BMPR1B: variants seen among roughly 807,000 people sequenced by gnomAD.
The protein encoded by BMPR1B is bone morphogenetic protein receptor type-1B.
In BMPR1B, 12 loss-of-function variants were observed where a neutral mutation model predicts 59.1. The ratio of observed to expected loss-of-function variants is 0.20; its 90% confidence interval spans 0.13 to 0.33. The LOEUF is 0.33. Among genes scored for constraint, BMPR1B ranks in the 10% least tolerant of loss-of-function variants. The pLI is 1.00. For synonymous variants in BMPR1B, 237 were observed against 207.3 expected (o/e 1.14, Z -1.23); for missense variants, 550 against 610.9 (o/e 0.90, Z 1.05).
chr4:94,920,912 C>G (rs901919802), intron 2 of BMPR1B, among the ~76,000 whole-genome samples: 5 of 152,146 alleles, frequency 3.3e-5, no homozygotes, highest in African/African-American at 1.2e-4. Context: ...CAAACTCATC[C>G]TGGTTATCTG....
chr4:95,078,020 G>C (rs920195544), intron 3 of BMPR1B, among the ~76,000 whole-genome samples: 1 of 152,156 alleles, frequency 6.6e-6, no homozygotes, highest in Non-Finnish European at 1.5e-5. Flanking sequence ...AGTAACATGA[G>C]TATGCTTCAC....
intron 1 of BMPR1B, among the ~76,000 whole-genome samples, chr4:94,800,890 G>A (rs935452839): frequency 3.3e-5 from 5 of 152,154 alleles, no homozygotes; most frequent in Non-Finnish European, 7.4e-5. Context: ...TGTAAAATAG[G>A]ATACAACCTA....
chr4:95,022,004 A>G lies in BMPR1B; in HGVS notation c.-18+25870A>G, dbSNP rs577699330. ...TGAAAAATAACTTGTTTAAAAAACA[A>G]TACCATTTTGTTTACAATTTCTTTT... On this transcript the variant is annotated intron_variant, in intron 3 of 12. Transcript: ENST00000515059. Among the ~76,000 whole-genome samples the G allele has an allele frequency of 9.2e-5, 14 of 152,350 alleles. No individual in the cohort carries two copies. In the South Asian group the frequency reaches 1.0e-3, roughly 11 times the overall value.
chr4:95,057,076 C>G (rs1008779226), intron 3 of BMPR1B, among the ~76,000 whole-genome samples: 1 of 152,168 alleles, frequency 6.6e-6, no homozygotes, highest in African/African-American at 2.4e-5. Context: ...AGAACAAACT[C>G]TGTCCATTTT....
At chr4:95,058,612 G>T (rs1579006273) in intron 3 of BMPR1B, among the ~76,000 whole-genome samples, 1 of 152,108 alleles carries the variant, frequency 6.6e-6, no homozygotes, top group Non-Finnish European at 1.5e-5. Flanking sequence ...TACAAGCTAT[G>T]CCAAGGCCAA....
intron 5 of BMPR1B, among the ~76,000 whole-genome samples, 156 bp downstream of exon 5, chr4:95,114,978 T>C (rs1731910858): frequency 6.6e-6 from 1 of 152,160 alleles, no homozygotes; most frequent in South Asian, 2.1e-4. Context: ...GTATGTATGA[T>C]GACAGTGGAT....
intron 1 of BMPR1B, among the ~76,000 whole-genome samples, chr4:94,843,393 C>T (rs1725176728): frequency 6.6e-6 from 1 of 152,196 alleles, no homozygotes; most frequent in Non-Finnish European, 1.5e-5. Flanking sequence ...TTCCCAGAAG[C>T]TCACATCTGT....
chr4:94,760,138 T>C (rs912751657), intron 1 of BMPR1B, among the ~76,000 whole-genome samples: 73 of 152,176 alleles, frequency 4.8e-4, no homozygotes, highest in Non-Finnish European at 1.8e-4. Context: ...AAATGTTAGT[T>C]TTTGGTGAGT....
chr4:95,146,780 C>T (rs1734680723), intron 10 of BMPR1B, among the ~76,000 whole-genome samples: 1 of 152,190 alleles, frequency 6.6e-6, no homozygotes, highest in African/African-American at 2.4e-5. Context: ...ACTCTGCTCC[C>T]ATGAGAGGTG....
intron 3 of BMPR1B, among the ~76,000 whole-genome samples, chr4:95,101,130 G>A (rs922835521): frequency 2.6e-5 from 4 of 152,098 alleles, no homozygotes; most frequent in Non-Finnish European, 4.4e-5. Flanking sequence ...CTATCTTTAT[G>A]CTCTTTATTC....
chr4:94,930,856 CT>C (rs1346062410), intron 2 of BMPR1B, among the ~76,000 whole-genome samples: 2 of 151,894 alleles, frequency 1.3e-5, no homozygotes, highest in Admixed American at 6.6e-5. Context: ...GAAATGAGGC[CT>C]TATTGTGACA....
chr4:95,053,968 A>T (rs1052420526), intron 3 of BMPR1B, among the ~76,000 whole-genome samples: 1 of 152,210 alleles, frequency 6.6e-6, no homozygotes, highest in Non-Finnish European at 1.5e-5. Flanking sequence ...CTTCAGTGAG[A>T]ATAATGATCA....
rs775134592 is a variant in BMPR1B, at chr4:95,061,099, A to G, written c.-17-43309A>G. 4.1e-4 allele frequency among the ~76,000 whole-genome samples: 62 copies of G among 151,134 alleles called. 1 individual carries two copies. The highest frequency in any genetic ancestry group is 1.3e-3 in the South Asian group (6 of 4,766). ...TATCTTGCTTTGAAAATTAGCACTC[A>G]AGATAGCTATTTCAGAGAGCTCCTG... On this transcript the variant is annotated intron_variant, in intron 3 of 12. Coordinates refer to ENST00000515059, the MANE Select transcript of BMPR1B (RefSeq NM_001203.3).
At chr4:94,893,838 T>G (rs1727489370) in intron 2 of BMPR1B, among the ~76,000 whole-genome samples, 2 of 151,998 alleles carry the variant, frequency 1.3e-5, no homozygotes, top group African/African-American at 4.8e-5. Flanking sequence ...TGCGTGGCAG[T>G]GTTTGAAATG....
chr4:94,956,215 G>GT (rs1245159442), intron 2 of BMPR1B, among the ~76,000 whole-genome samples: 1 of 151,868 alleles, frequency 6.6e-6, no homozygotes, highest in Admixed American at 6.6e-5. Context: ...AGGTTCACCT[G>GT]TTTGTTTCTT....
intron 1 of BMPR1B, among the ~76,000 whole-genome samples, chr4:94,773,512 A>G (rs1722259665): frequency 6.6e-6 from 1 of 152,046 alleles, no homozygotes; most frequent in Admixed American, 6.6e-5. Flanking sequence ...GGGAGTTGCA[A>G]ATTATTTAGG....
chr4:94,810,339 A>G (rs1364678071), intron 1 of BMPR1B, among the ~76,000 whole-genome samples: 1 of 152,224 alleles, frequency 6.6e-6, no homozygotes, highest in African/African-American at 2.4e-5. Flanking sequence ...TTTGAAAACA[A>G]CTTACAACAC....
intron 2 of BMPR1B, among the ~76,000 whole-genome samples, chr4:94,943,670 G>A (rs1471184079): frequency 6.6e-6 from 1 of 152,176 alleles, no homozygotes; most frequent in Non-Finnish European, 1.5e-5. Flanking sequence ...TAGGAAAGTG[G>A]AACTTTATAG....
At chr4:94,996,847 T>A (rs549801746) in intron 3 of BMPR1B, among the ~76,000 whole-genome samples, 1 of 152,320 alleles carries the variant, frequency 6.6e-6, no homozygotes, top group South Asian at 2.1e-4. Context: ...TAGTTCTTTT[T>A]CTCCTGTCAT....
Sources: gnomAD v4.1 joint callset for allele counts (sites outside exome capture counted in the v4.1 genomes callset) on GRCh38, gnomAD v4.1.1 for gene constraint, MANE v1.5 for transcripts, NCBI Gene and HGNC (gene_info 2026-07-23, HGNC 2026-07-21) for gene names.